The following ARMC8 variants were observed in gnomAD, a reference collection of about 807,000 sequenced individuals.
ARMC8 encodes the protein armadillo repeat containing 8.
Under a neutral mutation model 99.3 loss-of-function variants are expected in ARMC8, and 20 were observed. That is an observed-to-expected ratio of 0.20 (90% CI 0.14 to 0.29). The LOEUF is 0.29. Ranked by LOEUF, ARMC8 falls within the 10% of genes least tolerant of loss-of-function variation. The pLI is 1.00. For missense variants in ARMC8, 569 were observed against 809.5 expected, an observed-to-expected ratio of 0.70 and a Z score of 3.60; for synonymous variants, 263 against 278.3, an observed-to-expected ratio of 0.95 and a Z score of 0.55.
chr3:138,282,423 G>A (rs2050022385), intron 18 of ARMC8, among the ~76,000 whole-genome samples: 1 of 152,064 alleles, frequency 6.6e-6, no homozygotes, highest in Non-Finnish European at 1.5e-5. Flanking sequence ...CAGGGCGGGT[G>A]GATCATGAGG....
At chr3:138,269,820 CTTTTTT>C (rs77095833) in intron 15 of ARMC8, among the ~76,000 whole-genome samples, 2 of 121,698 alleles carry the variant, frequency 1.6e-5, no homozygotes, top group South Asian at 2.8e-4. Context: ...TGTTTTCTTT[CTTTTTT>C]TTTTTTTTTT....
intron 20 of ARMC8, among the ~76,000 whole-genome samples, chr3:138,290,335 C>T (rs1288418589): frequency 6.6e-6 from 1 of 152,126 alleles, no homozygotes; most frequent in Admixed American, 6.5e-5. Flanking sequence ...AGACTGCAGG[C>T]AGGATGATCA....
chr3:138,295,056 A>T (rs776054688), intron 21 of ARMC8, among the ~76,000 whole-genome samples: 3 of 151,300 alleles, frequency 2.0e-5, no homozygotes. Flanking sequence ...CCGCTGCCAC[A>T]CTCGGCTAAT....
chr3:138,291,703 T>C (rs1230389412), intron 21 of ARMC8, among the ~76,000 whole-genome samples: 2 of 152,182 alleles, frequency 1.3e-5, no homozygotes, highest in Non-Finnish European at 2.9e-5. Context: ...GAGGATGACA[T>C]GATCAGAGAC....
intron 2 of ARMC8, among the ~76,000 whole-genome samples, chr3:138,212,523 G>T (rs2044758303): frequency 6.6e-6 from 1 of 151,970 alleles, no homozygotes; most frequent in Admixed American, 6.6e-5. Flanking sequence ...TGGTCAGGCT[G>T]GTCTCGAACT....
intron 1 of ARMC8, among the ~76,000 whole-genome samples, chr3:138,198,626 C>A (rs1248414385): frequency 1.3e-5 from 2 of 151,996 alleles, no homozygotes; most frequent in African/African-American, 4.8e-5. Flanking sequence ...GATTCTCCTG[C>A]CTCAGCCTCC....
intron 21 of ARMC8, among the ~76,000 whole-genome samples, chr3:138,290,900 C>T (rs537842924): frequency 1.3e-5 from 2 of 152,326 alleles, no homozygotes; most frequent in East Asian, 3.9e-4. Flanking sequence ...AGGCCATTTG[C>T]GTACATTCGC....
intron 21 of ARMC8, among the ~76,000 whole-genome samples, chr3:138,295,538 A>G (rs2051403939): frequency 6.6e-6 from 1 of 152,228 alleles, no homozygotes; most frequent in African/African-American, 2.4e-5. Flanking sequence ...GACCTATCAC[A>G]ACTATATGCC....
Position 138,223,959 on chromosome 3 carries a change from T to C in ARMC8, c.435+226T>C, listed in dbSNP as rs1038103264. On this transcript the variant is annotated intron_variant, in intron 5 of 21. Coordinates refer to ENST00000469044, the MANE Select transcript of ARMC8 (RefSeq NM_001363941.2). Reference sequence around the variant, plus strand: ...AGTGACATAACAAGACTCCATCTCTTTTTTTTTTTTTTTTTTTGAGGTGGA... The same window carrying C: ...AGTGACATAACAAGACTCCATCTCTCTTTTTTTTTTTTTTTTTGAGGTGGA... Among the ~76,000 whole-genome samples, 522 of 144,412 alleles carry C rather than the reference T, an allele frequency of 3.6e-3. 1 individual carries two copies. The highest frequency in any genetic ancestry group is 0.013 in the African/African-American group (499 of 39,618). The allele number at this position is 144,412 out of a possible 152,430, so 94.7% of individuals were successfully genotyped here. A position where few individuals can be genotyped will look rare whatever the true frequency, so the allele number is the denominator to read the frequency against.
At chr3:138,281,965 A>G (rs1360578420) in intron 18 of ARMC8, among the ~76,000 whole-genome samples, 2 of 152,186 alleles carry the variant, frequency 1.3e-5, no homozygotes, top group Non-Finnish European at 2.9e-5. Context: ...GCTCTGGCCA[A>G]CCCATAGGAT....
chr3:138,213,564 G>C (rs1379684367), intron 2 of ARMC8, among the ~76,000 whole-genome samples: 1 of 152,180 alleles, frequency 6.6e-6, no homozygotes, highest in Non-Finnish European at 1.5e-5. Context: ...AGGTCATAAA[G>C]CGTAGCCTTC....
chr3:138,278,208 C>A (rs1462204413), intron 18 of ARMC8, among the ~76,000 whole-genome samples: 1 of 151,944 alleles, frequency 6.6e-6, no homozygotes, highest in Non-Finnish European at 1.5e-5. Context: ...TTTTAAGATT[C>A]TATATATACA....
intron 12 of ARMC8, among the ~76,000 whole-genome samples, chr3:138,247,566 G>T (rs2046939170): frequency 1.3e-5 from 2 of 152,172 alleles, no homozygotes; most frequent in Non-Finnish European, 2.9e-5. Flanking sequence ...TAAATAACAT[G>T]TATTCTAGTG....
intron 2 of ARMC8, among the ~76,000 whole-genome samples, chr3:138,218,103 T>C (rs1559939763): frequency 1.3e-5 from 2 of 152,136 alleles, no homozygotes; most frequent in Non-Finnish European, 2.9e-5. Context: ...GGGTGAATAA[T>C]GTAGTCAGTG....
chr3:138,277,589 A>G (rs1158422283), intron 18 of ARMC8, among the ~76,000 whole-genome samples: 1 of 152,254 alleles, frequency 6.6e-6, no homozygotes, highest in Non-Finnish European at 1.5e-5. Flanking sequence ...CAATATGAAC[A>G]GACACTGCAC....
In ARMC8 at chr3:138,295,904, C is replaced by T. The variant is rs2051444167; in HGVS notation, c.*12C>T. Reference sequence around the variant, plus strand: ...AGTACCTGGCATGATGGGAGTGCCCCTGGGCACCTGCGAGCATCCCACCTC... The same window carrying T: ...AGTACCTGGCATGATGGGAGTGCCCTTGGGCACCTGCGAGCATCCCACCTC... On this transcript the variant is annotated 3_prime_UTR_variant, in exon 22 of 22. Coordinates refer to ENST00000469044, the MANE Select transcript of ARMC8 (RefSeq NM_001363941.2). 6.2e-7 allele frequency: 1 copy of T among 1,612,990 alleles called. No individual in the cohort carries two copies. The highest frequency in any genetic ancestry group is 1.3e-5 in the African/African-American group (1 of 75,034).
At chr3:138,235,968 G>C (rs567640538) in intron 7 of ARMC8, among the ~76,000 whole-genome samples, 288 of 151,926 alleles carry the variant, frequency 1.9e-3, no homozygotes, top group African/African-American at 6.5e-3. Flanking sequence ...ACCACCCCTG[G>C]CTGATTTTTT....
chr3:138,224,182 A>G (rs900603658), intron 5 of ARMC8, among the ~76,000 whole-genome samples: 2 of 146,368 alleles, frequency 1.4e-5, no homozygotes, highest in Non-Finnish European at 3.0e-5. Context: ...CTGGTCTTGA[A>G]CTCCTGACCT....
At chr3:138,254,349 A>G (rs1045549877) in intron 12 of ARMC8, among the ~76,000 whole-genome samples, 3 of 152,188 alleles carry the variant, frequency 2.0e-5, no homozygotes, top group Admixed American at 2.0e-4. Context: ...AGTAATTTTT[A>G]TATGTCTGGA....
Sources: gnomAD v4.1 joint callset for allele counts (sites outside exome capture counted in the v4.1 genomes callset) on GRCh38, gnomAD v4.1.1 for gene constraint, MANE v1.5 for transcripts, NCBI Gene and HGNC (gene_info 2026-07-23, HGNC 2026-07-21) for gene names.